Variants in SEMA3E observed in about 807,000 individuals in gnomAD.
The protein encoded by SEMA3E is semaphorin 3E.
In SEMA3E, 49 loss-of-function variants were observed where a neutral mutation model predicts 93.6. That is an observed-to-expected ratio of 0.52 (90% CI 0.42 to 0.66). The LOEUF is 0.66. Among genes scored for constraint, SEMA3E ranks in the 30% least tolerant of loss-of-function variants. The pLI is 0.00. For missense variants in SEMA3E, 906 were observed against 964.8 expected, an observed-to-expected ratio of 0.94 and a Z score of 0.81; for synonymous variants, 363 against 330.7, an observed-to-expected ratio of 1.10 and a Z score of -1.06.
At chr7:83,493,843 C>G (rs961732028) in intron 1 of SEMA3E, among the ~76,000 whole-genome samples, 6 of 151,966 alleles carry the variant, frequency 3.9e-5, no homozygotes, top group African/African-American at 1.4e-4. Context: ...GACTGCTTTT[C>G]CTAACTGGTT....
intron 4 of SEMA3E, 91 bp from the exon 5 acceptor site, chr7:83,418,574 T>C (rs1335355919): frequency 1.1e-6 from 1 of 891,890 alleles, no homozygotes; most frequent in Non-Finnish European, 1.8e-6. Context: ...TTCGATTATT[T>C]ATAAAGCATG....
chr7:83,591,833 C>T (rs1264574534), intron 1 of SEMA3E, among the ~76,000 whole-genome samples: 1 of 152,012 alleles, frequency 6.6e-6, no homozygotes, highest in Non-Finnish European at 1.5e-5. Flanking sequence ...CTTGATACAA[C>T]AACTGGAATA....
At chr7:83,469,372 C>A in intron 2 of SEMA3E, 70 bp from the exon 3 acceptor site, 3 of 1,037,158 alleles carry the variant, frequency 2.9e-6, no homozygotes, top group Non-Finnish European at 4.4e-6. Context: ...AACCATTTCA[C>A]TTTCTTCTAC....
intron 1 of SEMA3E, among the ~76,000 whole-genome samples, chr7:83,603,547 AC>A (rs2115991045): frequency 6.6e-6 from 1 of 152,240 alleles, no homozygotes; most frequent in African/African-American, 2.4e-5. Context: ...TTCAGAAAAA[AC>A]TAGATGCTAC....
At chr7:83,380,216 A>G (rs1787750731) in intron 16 of SEMA3E, among the ~76,000 whole-genome samples, 1 of 151,902 alleles carries the variant, frequency 6.6e-6, no homozygotes, top group South Asian at 2.1e-4. Context: ...TATGAAATCC[A>G]CTTAATATTA....
chr7:83,368,120 G>A, intron 16 of SEMA3E, 82 bp from the exon 17 acceptor site: 1 of 1,290,776 alleles, frequency 7.7e-7, no homozygotes, highest in South Asian at 1.2e-5. Context: ...TACCTATCTT[G>A]AATTTTTTCA....
intron 5 of SEMA3E, among the ~76,000 whole-genome samples, chr7:83,416,974 A>G (rs1214947101): frequency 7.6e-6 from 1 of 131,436 alleles, no homozygotes; most frequent in Non-Finnish European, 1.6e-5. Flanking sequence ...TTTTTTTAAT[A>G]CTCTGTTTAT....
intron 14 of SEMA3E, among the ~76,000 whole-genome samples, chr7:83,391,231 T>C (rs1397438822): frequency 6.6e-6 from 1 of 152,142 alleles, no homozygotes; most frequent in Non-Finnish European, 1.5e-5. Context: ...ATTTTGAGAA[T>C]TAAATAAAGT....
chr7:83,538,348 T>A (rs1182503146), intron 1 of SEMA3E, among the ~76,000 whole-genome samples: 1 of 152,154 alleles, frequency 6.6e-6, no homozygotes, highest in Admixed American at 6.6e-5. Flanking sequence ...CTCCCAACAC[T>A]TTTTATCTGA....
At chr7:83,426,706 T>C (rs1290723940) in intron 4 of SEMA3E, among the ~76,000 whole-genome samples, 3 of 151,950 alleles carry the variant, frequency 2.0e-5, no homozygotes, top group African/African-American at 4.9e-5. Flanking sequence ...AAAAACGTTG[T>C]TGCAGATAGG....
chr7:83,507,422 C>CTGTGTGTGTGTG (rs1491470723), intron 1 of SEMA3E, among the ~76,000 whole-genome samples: 1 of 102,350 alleles, frequency 9.8e-6, no homozygotes, highest in Non-Finnish European at 2.1e-5. Flanking sequence ...CAAAACAGAA[C>CTGTGTGTGTGTG]TCTGTGTGTG....
chr7:83,586,205 T>A (rs1430402026), intron 1 of SEMA3E, among the ~76,000 whole-genome samples: 5 of 152,174 alleles, frequency 3.3e-5, no homozygotes, highest in Non-Finnish European at 2.9e-5. Context: ...CAGACTGAAT[T>A]ACTTGAGCTC....
intron 1 of SEMA3E, among the ~76,000 whole-genome samples, chr7:83,646,011 C>T (rs1794075209): frequency 6.6e-6 from 1 of 151,958 alleles, no homozygotes. Flanking sequence ...GCCTTTCTCC[C>T]ATACAGCTTA....
chr7:83,437,486 A>G (rs1237919792), intron 4 of SEMA3E, among the ~76,000 whole-genome samples: 2 of 152,078 alleles, frequency 1.3e-5, no homozygotes, highest in East Asian at 3.9e-4. Flanking sequence ...CATGAATAAC[A>G]TAAACTTTTT....
At chr7:83,562,760 T>G (rs546944655) in intron 1 of SEMA3E, among the ~76,000 whole-genome samples, 9 of 152,082 alleles carry the variant, frequency 5.9e-5, no homozygotes, top group Non-Finnish European at 1.0e-4. Flanking sequence ...AGTCCTAGCC[T>G]GGGCTTTTTA....
intron 1 of SEMA3E, among the ~76,000 whole-genome samples, chr7:83,590,774 A>C (rs1029864307): frequency 6.6e-6 from 1 of 152,116 alleles, no homozygotes; most frequent in African/African-American, 2.4e-5. Context: ...TAACATACAG[A>C]GAATCAGAGG....
Position 83,629,631 on chromosome 7 carries a change from C to T in SEMA3E, c.115+18797G>A, listed in dbSNP as rs185457388. Among the ~76,000 whole-genome samples, 294 of 152,232 alleles carry T rather than the reference C, an allele frequency of 1.9e-3. 2 individuals carry two copies. The highest frequency in any genetic ancestry group is 6.8e-3 in the African/African-American group (283 of 41,556). On this transcript the variant is annotated intron_variant, in intron 1 of 16. Transcript: ENST00000643230. ...CTACTCAAGCCTCAGTAATGGCAGA[C>T]GCCCCTCCCCCCAAGCTTGAGTGTC...
At chr7:83,615,182 T>C (rs530877494) in intron 1 of SEMA3E, among the ~76,000 whole-genome samples, 3 of 152,084 alleles carry the variant, frequency 2.0e-5, no homozygotes, top group South Asian at 2.1e-4. Flanking sequence ...GTTCAAAGGG[T>C]TTCTGGGGCA....
chr7:83,503,603 A>T (rs1785851197), intron 1 of SEMA3E, among the ~76,000 whole-genome samples: 1 of 152,180 alleles, frequency 6.6e-6, no homozygotes, highest in African/African-American at 2.4e-5. Context: ...ACTTACACCA[A>T]CCTAGATGGT....
Sources: allele counts gnomAD v4.1 joint callset (sites outside exome capture counted in the v4.1 genomes callset), GRCh38; gene constraint gnomAD v4.1.1; transcripts MANE v1.5; gene names NCBI Gene and HGNC (gene_info 2026-07-23, HGNC 2026-07-21).